Variants in PKHD1 observed in about 807,000 individuals in gnomAD.
PKHD1 encodes fibrocystin.
PKHD1 carries 291 observed loss-of-function variants against 412.0 expected under a neutral mutation model. That is an observed-to-expected ratio of 0.71 (90% CI 0.64 to 0.78). The LOEUF (loss-of-function observed/expected upper bound fraction) is 0.78, where lower values mean the gene tolerates loss of function less well. PKHD1 is among the 30% of genes least tolerant of loss of function. PKHD1 has a pLI of 0.00. For missense variants in PKHD1, 4,825 were observed against 4,950.7 expected, an observed-to-expected ratio of 0.97 and a Z score of 0.76; for synonymous variants, 1,777 against 1,821.5, an observed-to-expected ratio of 0.98 and a Z score of 0.62.
intron 66 of PKHD1, 141 bp downstream of exon 66, chr6:51,626,856 A>G (rs1767298798): frequency 1.2e-6 from 1 of 824,694 alleles, no homozygotes. Context: ...GCTGGGGTAT[A>G]ATTTCTTTGA....
intron 37 of PKHD1, among the ~76,000 whole-genome samples, chr6:51,925,733 G>A (rs530220067): frequency 1.3e-5 from 2 of 152,026 alleles, no homozygotes; most frequent in East Asian, 1.9e-4. Context: ...TGGTTCTTAC[G>A]CCTTTGGACT....
At chr6:51,966,599 G>A (rs1287457254) in intron 35 of PKHD1, among the ~76,000 whole-genome samples, 1 of 152,102 alleles carries the variant, frequency 6.6e-6, no homozygotes, top group African/African-American at 2.4e-5. Context: ...CTTACGGGGT[G>A]CACTTAACAG....
chr6:51,868,247 T>G, intron 47 of PKHD1, 138 bp from the exon 48 acceptor site: 1 of 806,550 alleles, frequency 1.2e-6, no homozygotes, highest in Non-Finnish European at 2.0e-6. Flanking sequence ...AAAAAAGTGT[T>G]TTCTGTGGGT....
At chr6:52,035,798 TA>T in intron 27 of PKHD1, 77 bp from the exon 28 acceptor site, 1 of 1,388,386 alleles carries the variant, frequency 7.2e-7, no homozygotes, top group Middle Eastern at 1.9e-4. Context: ...ACAAGATGGA[TA>T]AAATGAAATT....
intron 53 of PKHD1, among the ~76,000 whole-genome samples, chr6:51,780,245 G>A (rs1791756350): frequency 1.3e-5 from 2 of 152,042 alleles, no homozygotes; most frequent in South Asian, 4.2e-4. Flanking sequence ...AATTAGCTTG[G>A]CGTGGTGCGA....
intron 36 of PKHD1, among the ~76,000 whole-genome samples, chr6:51,953,152 G>A (rs1188703646): frequency 1.3e-5 from 2 of 151,998 alleles, no homozygotes; most frequent in South Asian, 2.1e-4. Context: ...GGGTAGCTAC[G>A]TTTTGACTAC....
chr6:51,764,217 G>C (rs1788554872), intron 55 of PKHD1, among the ~76,000 whole-genome samples: 1 of 147,030 alleles, frequency 6.8e-6, no homozygotes. Flanking sequence ...AAATTTACAA[G>C]AAAAAAATAA....
At chr6:52,042,784 G>T in intron 27 of PKHD1, 75 bp downstream of exon 27, 1 of 1,307,486 alleles carries the variant, frequency 7.6e-7, no homozygotes, top group Non-Finnish European at 1.1e-6. Context: ...TCATTACACA[G>T]AAGGACTAGA....
chr6:51,761,127 T>G (rs2151061604), intron 55 of PKHD1, among the ~76,000 whole-genome samples: 1 of 152,192 alleles, frequency 6.6e-6, no homozygotes, highest in East Asian at 1.9e-4. Context: ...TGCACTCCCA[T>G]GTTCACAGCA....
chr6:51,773,826 A>G (rs1407611974), intron 54 of PKHD1, among the ~76,000 whole-genome samples: 2 of 151,452 alleles, frequency 1.3e-5, no homozygotes, highest in Non-Finnish European at 2.9e-5. Context: ...TTAGAACTTA[A>G]CCAACTGTTT....
intron 41 of PKHD1, among the ~76,000 whole-genome samples, chr6:51,904,627 A>G (rs962791460): frequency 1.3e-5 from 2 of 152,170 alleles, no homozygotes; most frequent in Non-Finnish European, 2.9e-5. Flanking sequence ...TATGTGTGAG[A>G]TTGAGTGCTT....
At chr6:51,867,106 T>G (rs1475752671) in intron 48 of PKHD1, among the ~76,000 whole-genome samples, 1 of 152,132 alleles carries the variant, frequency 6.6e-6, no homozygotes, top group East Asian at 1.9e-4. Context: ...GCCAATGAGG[T>G]CTGACTGAAT....
chr6:52,034,179 G>GA (rs60829265), intron 28 of PKHD1, among the ~76,000 whole-genome samples: 12 of 139,884 alleles, frequency 8.6e-5, no homozygotes, highest in Middle Eastern at 3.7e-3. Context: ...AACTCTAGGG[G>GA]AAAAAAAAAA....
chr6:51,949,630 A>G (rs969074421), intron 36 of PKHD1, among the ~76,000 whole-genome samples: 4 of 152,250 alleles, frequency 2.6e-5, no homozygotes, highest in African/African-American at 9.6e-5. Flanking sequence ...CCAGCCAGAG[A>G]GGCGGAAAAT....
chr6:52,085,990 T>C (rs1270359898), intron 1 of PKHD1, among the ~76,000 whole-genome samples: 1 of 151,018 alleles, frequency 6.6e-6, no homozygotes, highest in Non-Finnish European at 1.5e-5. Flanking sequence ...CATGTACTAC[T>C]AAATACACGT....
In PKHD1 at chr6:51,649,193, G is replaced by T; in HGVS notation, c.11202C>A (p.Asn3734Lys). ...GTGCATAGGGCCGAATATATATCAA[G>T]TTCCCAGTTTTAAAACTGCTTGTAT... ...YGNTSSFKTG[N>K]LIYIRPYALS... Residue 3734 changes from asparagine (N) to lysine (K), a missense_variant, in exon 62 of 67, where the codon AAC becomes AAA. Coordinates refer to ENST00000371117, the MANE Select transcript of PKHD1 (RefSeq NM_138694.4). 1 of 1,611,518 alleles carries T rather than the reference G, an allele frequency of 6.2e-7. No homozygotes were observed. The highest frequency in any genetic ancestry group is 8.5e-7 in the Non-Finnish European group (1 of 1,177,726).
At chr6:51,829,443 G>C (rs1268339702) in intron 52 of PKHD1, among the ~76,000 whole-genome samples, 6 of 152,228 alleles carry the variant, frequency 3.9e-5, no homozygotes, top group Middle Eastern at 3.4e-3. Flanking sequence ...GGGGGAAGCA[G>C]CTTGCTTAGT....
At position 52,058,427 on chromosome 6, in the gene PKHD1, C is replaced by A. The variant is rs762020889; in HGVS notation, c.1408G>T (p.Gly470Cys). 2 of 1,614,016 alleles carry A rather than the reference C, an allele frequency of 1.2e-6. No individual in the cohort carries two copies. The highest frequency in any genetic ancestry group is 1.7e-6 in the Non-Finnish European group (2 of 1,180,016). ...GIAPSRGMRIGVQIHNTWLNP... is the reference protein window; with the variant it reads ...GIAPSRGMRICVQIHNTWLNP... ...AGCCAGGTGTTGTGAATCTGGACAC[C>A]AATCCTCATCCCCCTGCTTGGGGCT... Residue 470 changes from glycine (G) to cysteine (C), a missense_variant, in exon 16 of 67, where the codon GGT becomes TGT. Gly to Cys is a radical substitution (Grantham distance 159, BLOSUM62 -3). Coordinates refer to ENST00000371117, the MANE Select transcript of PKHD1 (RefSeq NM_138694.4).
chr6:52,013,397 C>T (rs76820314), intron 34 of PKHD1, among the ~76,000 whole-genome samples: 2,421 of 152,174 alleles, frequency 0.016, 67 homozygotes, highest in African/African-American at 0.056. Flanking sequence ...TTGTAACTAC[C>T]TTGCTAGAAA....
Sources: allele counts gnomAD v4.1 joint callset (sites outside exome capture counted in the v4.1 genomes callset), GRCh38; gene constraint gnomAD v4.1.1; transcripts MANE v1.5; gene names NCBI Gene and HGNC (gene_info 2026-07-23, HGNC 2026-07-21).